Variants in ABI1 observed in about 807,000 individuals in gnomAD.
ABI1 encodes the protein abl interactor 1.
ABI1 carries 14 observed loss-of-function variants against 54.6 expected under a neutral mutation model. That is an observed-to-expected ratio of 0.26 (90% CI 0.17 to 0.40). The LOEUF (loss-of-function observed/expected upper bound fraction) is 0.40. Ranked by LOEUF, ABI1 falls within the 10% of genes least tolerant of loss-of-function variation. The probability of loss-of-function intolerance (pLI) is 1.00; values close to 1 mark genes in which losing one functional copy is unlikely to be tolerated. For synonymous variants in ABI1, 194 were observed against 209.3 expected, an observed-to-expected ratio of 0.93 and a Z score of 0.63; for missense variants, 443 against 598.3, an observed-to-expected ratio of 0.74 and a Z score of 2.71.
At position 26,755,761 on chromosome 10, in the gene ABI1, A is replaced by G; in HGVS notation, c.998-20T>C. On this transcript the variant is annotated intron_variant, in intron 8 of 10. Coordinates refer to ENST00000376140, the MANE Select transcript of ABI1 (RefSeq NM_001012750.3). ...TAGAAACTGGTAGCAACAACACAGT[A>G]TGGGGGAAGTAAAACAGATAAAGGA... 1 of 1,534,278 alleles carries G rather than the reference A, an allele frequency of 6.5e-7. No homozygotes were observed. Among genetic ancestry groups the G allele is most frequent in the Non-Finnish European group, 9.0e-7 (1 of 1,114,364 alleles).
intron 1 of ABI1, among the ~76,000 whole-genome samples, chr10:26,844,526 C>T (rs1399613818): frequency 6.6e-6 from 1 of 152,210 alleles, no homozygotes; most frequent in South Asian, 2.1e-4. Context: ...CTCTCCTCTT[C>T]CCTCTTCCCT....
chr10:26,796,070 C>T (rs1354043331), intron 2 of ABI1, among the ~76,000 whole-genome samples: 3 of 151,738 alleles, frequency 2.0e-5, no homozygotes, highest in Admixed American at 6.6e-5. Context: ...GCCTGGGTGA[C>T]GGAGTGAGAC....
chr10:26,771,061 G>C lies in ABI1; in HGVS notation c.477+14C>G. ...GGAAATACTGTGGATCAAATGATAA[G>C]TAATGGCTCTTACCTTGGCTTTTAG... On this transcript the variant is annotated intron_variant, in intron 4 of 10. Coordinates refer to ENST00000376140, the MANE Select transcript of ABI1 (RefSeq NM_001012750.3). 6.2e-7 allele frequency: 1 copy of C among 1,613,528 alleles called. No individual in the cohort carries two copies. Among genetic ancestry groups the C allele is most frequent in the South Asian group, 1.1e-5 (1 of 91,052 alleles).
chr10:26,754,755 T>C (rs1028966825), intron 9 of ABI1, among the ~76,000 whole-genome samples: 4 of 152,214 alleles, frequency 2.6e-5, no homozygotes, highest in Admixed American at 6.5e-5. Flanking sequence ...AAATTAAAAA[T>C]AGACCACATT....
At chr10:26,754,234 T>TGAC (rs2132453241) in intron 9 of ABI1, among the ~76,000 whole-genome samples, 1 of 152,320 alleles carries the variant, frequency 6.6e-6, no homozygotes, top group East Asian at 1.9e-4. Flanking sequence ...ACTGCAGCCT[T>TGAC]GACGTCCTGG....
At chr10:26,768,761 C>T in intron 6 of ABI1, 91 bp downstream of exon 6, 1 of 1,055,200 alleles carries the variant, frequency 9.5e-7, no homozygotes, top group Non-Finnish European at 1.3e-6. Flanking sequence ...TAGAGTGGCA[C>T]CTCACCTTTA....
At chr10:26,768,711 A>G (rs1840284714) in intron 6 of ABI1, 141 bp downstream of exon 6, 1 of 697,256 alleles carries the variant, frequency 1.4e-6, no homozygotes, top group African/African-American at 1.8e-5. Context: ...AGGAACATAT[A>G]TAATATTATT....
intron 5 of ABI1, among the ~76,000 whole-genome samples, chr10:26,769,210 T>G (rs968079872): frequency 2.0e-5 from 3 of 152,140 alleles, no homozygotes; most frequent in Non-Finnish European, 4.4e-5. Context: ...AGGAAAAACA[T>G]AGGAAAGGGT....
At position 26,777,132 on chromosome 10, in the gene ABI1, C is replaced by T. The variant is rs754848112; in HGVS notation, c.395G>A (p.Arg132His). 4 of 1,613,794 alleles carry T rather than the reference C, an allele frequency of 2.5e-6. No individual in the cohort carries two copies. The highest frequency in any genetic ancestry group is 2.5e-6 in the Non-Finnish European group (3 of 1,179,926). ...HKIIAPANME[R>H]PVRYIRKPID... ...AGGTTTCCGAATATACCTTACAGGG[C>T]GCTCCATATTCGCAGGTGCTATTAT... The change falls in exon 3 of 11, where the codon CGC becomes CAC. Residue 132 changes from arginine (R) to histidine (H), a missense_variant. Arg to His is a conservative substitution (Grantham distance 29). Coordinates refer to ENST00000376140, the MANE Select transcript of ABI1 (RefSeq NM_001012750.3).
intron 7 of ABI1, among the ~76,000 whole-genome samples, chr10:26,760,865 AGT>A (rs1839031520): frequency 8.6e-6 from 1 of 116,894 alleles, no homozygotes; most frequent in Non-Finnish European, 1.6e-5. Context: ...TTCCAGCCTG[AGT>A]GACGGAGAAA....
At chr10:26,758,071 A>C (rs1838563540) in intron 8 of ABI1, among the ~76,000 whole-genome samples, 2 of 48,230 alleles carry the variant, frequency 4.1e-5, no homozygotes, top group Non-Finnish European at 6.9e-5. Flanking sequence ...TCTGTCTCAA[A>C]AAAAAAAAAA....
At chr10:26,821,719 G>A (rs10829076) in intron 2 of ABI1, among the ~76,000 whole-genome samples, 31,916 of 150,724 alleles carry the variant, frequency 0.21, 3,566 homozygotes, top group African/African-American at 0.3. Context: ...GAATTGCTTG[G>A]ACCCAGGAGG....
At chr10:26,798,146 T>C (rs1029723566) in intron 2 of ABI1, among the ~76,000 whole-genome samples, 18 of 152,228 alleles carry the variant, frequency 1.2e-4, no homozygotes, top group African/African-American at 3.1e-4. Flanking sequence ...TACTCTGTAG[T>C]AGCTTTTTGG....
intron 10 of ABI1, among the ~76,000 whole-genome samples, chr10:26,749,562 G>A (rs533360788): frequency 6.6e-6 from 1 of 152,294 alleles, no homozygotes; most frequent in African/African-American, 2.4e-5. Flanking sequence ...TTTTGATTGT[G>A]ACCCATCACG....
chr10:26,853,234 C>CAAAAA (rs35205764), intron 1 of ABI1, among the ~76,000 whole-genome samples: 11 of 85,562 alleles, frequency 1.3e-4, no homozygotes, highest in African/African-American at 2.9e-4. Flanking sequence ...GACTCCATCT[C>CAAAAA]AAAAAAAAAA....
chr10:26,811,341 T>C (rs1424766011), intron 2 of ABI1, among the ~76,000 whole-genome samples: 1 of 152,194 alleles, frequency 6.6e-6, no homozygotes, highest in Non-Finnish European at 1.5e-5. Flanking sequence ...ATCTATATTC[T>C]ATATTAGTGT....
At chr10:26,789,312 T>G (rs1843129757) in intron 2 of ABI1, among the ~76,000 whole-genome samples, 1 of 152,006 alleles carries the variant, frequency 6.6e-6, no homozygotes, top group African/African-American at 2.4e-5. Context: ...AAAATCAAAA[T>G]AGAATATACA....
At chr10:26,751,051 T>C (rs530652523) in intron 10 of ABI1, among the ~76,000 whole-genome samples, 4 of 151,208 alleles carry the variant, frequency 2.6e-5, no homozygotes, top group Non-Finnish European at 5.9e-5. Flanking sequence ...CACTGTTTAG[T>C]GGAAAATATT....
intron 1 of ABI1, among the ~76,000 whole-genome samples, chr10:26,823,761 A>C (rs1004924874): frequency 6.6e-6 from 1 of 152,158 alleles, no homozygotes; most frequent in African/African-American, 2.4e-5. Flanking sequence ...ATTCAAGCCT[A>C]TCATGCCCCA....
Sources: gnomAD v4.1 joint callset for allele counts (sites outside exome capture counted in the v4.1 genomes callset) on GRCh38, gnomAD v4.1.1 for gene constraint, MANE v1.5 for transcripts, NCBI Gene and HGNC (gene_info 2026-07-23, HGNC 2026-07-21) for gene names.